The following EEA1 variants were observed in gnomAD, a reference collection of about 807,000 sequenced individuals.
The protein encoded by EEA1 is early endosome antigen 1.
In EEA1, 111 loss-of-function variants were observed where a neutral mutation model predicts 209.2. The ratio of observed to expected loss-of-function variants is 0.53; its 90% CI spans 0.45 to 0.62. The LOEUF (loss-of-function observed/expected upper bound fraction) is 0.62. EEA1 is among the 20% of genes least tolerant of loss of function. The pLI is 0.00. For synonymous variants in EEA1, 536 were observed against 540.6 expected (o/e 0.99, Z 0.12); for missense variants, 1,343 against 1,530.8 (o/e 0.88, Z 2.05).
intron 5 of EEA1, among the ~76,000 whole-genome samples, chr12:92,855,419 G>C (rs943366931): frequency 8.4e-6 from 1 of 119,446 alleles, no homozygotes; most frequent in Non-Finnish European, 1.9e-5. Flanking sequence ...GTGACAGAGC[G>C]AGACTCTGTC....
At chr12:92,790,468 G>A (rs1362323001) in intron 21 of EEA1, among the ~76,000 whole-genome samples, 8 of 152,134 alleles carry the variant, frequency 5.3e-5, no homozygotes, top group Admixed American at 3.9e-4. Flanking sequence ...ACCATGGCAC[G>A]AGAACTTCAT....
rs752002434 is a variant in EEA1 at position 92,852,159 on chromosome 12, A to G, written c.642+16T>C. ...AAGGTATAAGAGTACATCTCAATAA[A>G]TAATTCCTAAATTACCAGTTCCGTC... On this transcript the variant is annotated intron_variant, in intron 8 of 28. Coordinates refer to ENST00000322349, the MANE Select transcript of EEA1 (RefSeq NM_003566.4). 1.3e-6 allele frequency: 2 copies of G among 1,565,786 alleles called. No individual in the cohort carries two copies. The highest frequency in any genetic ancestry group is 1.7e-6 in the Non-Finnish European group (2 of 1,160,822).
chr12:92,817,708 T>G (rs1029641790), intron 14 of EEA1, among the ~76,000 whole-genome samples: 3 of 152,208 alleles, frequency 2.0e-5, no homozygotes, highest in African/African-American at 7.2e-5. Context: ...TGTAGTAATC[T>G]TTTACTATTT....
At chr12:92,808,853 C>G (rs1269273795) in intron 18 of EEA1, among the ~76,000 whole-genome samples, 164 bp downstream of exon 18, 1 of 152,090 alleles carries the variant, frequency 6.6e-6, no homozygotes, top group Non-Finnish European at 1.5e-5. Flanking sequence ...ATTATGATGG[C>G]TTTATTTTTT....
intron 1 of EEA1, among the ~76,000 whole-genome samples, chr12:92,896,873 C>G (rs1352398464): frequency 6.6e-6 from 1 of 152,170 alleles, no homozygotes; most frequent in African/African-American, 2.4e-5. Context: ...AAACCTTCCA[C>G]AAGCAAAAAG....
intron 2 of EEA1, among the ~76,000 whole-genome samples, chr12:92,888,328 G>C (rs1487013417): frequency 6.6e-6 from 1 of 152,038 alleles, no homozygotes; most frequent in Non-Finnish European, 1.5e-5. Context: ...CGCCTGTAAT[G>C]CCAGCACTTT....
chr12:92,849,147 A>G (rs893444262), intron 9 of EEA1, among the ~76,000 whole-genome samples: 17 of 152,208 alleles, frequency 1.1e-4, no homozygotes, highest in African/African-American at 4.1e-4. Context: ...ACTCAACTTT[A>G]AAATACATAT....
chr12:92,926,939 G>A (rs1199289542), intron 1 of EEA1, among the ~76,000 whole-genome samples: 1 of 152,050 alleles, frequency 6.6e-6, no homozygotes, highest in Non-Finnish European at 1.5e-5. Flanking sequence ...CTCCCAAACA[G>A]CCTGTGAGTT....
At chr12:92,811,234 A>T in intron 17 of EEA1, 45 bp downstream of exon 17, 1 of 1,278,756 alleles carries the variant, frequency 7.8e-7, no homozygotes, top group Non-Finnish European at 1.0e-6. Flanking sequence ...TTCCATTGCT[A>T]CTGAAGTAGA....
intron 1 of EEA1, among the ~76,000 whole-genome samples, chr12:92,917,399 G>A (rs1459708586): frequency 1.3e-5 from 2 of 148,972 alleles, no homozygotes; most frequent in African/African-American, 2.5e-5. Context: ...GGATCTCTCG[G>A]CAGAAACCCT....
At chr12:92,835,400 CTTTTTTTTTTTTTTTTT>C (rs140302130) in intron 10 of EEA1, 49 of 154,378 alleles carry the variant, frequency 3.2e-4, no homozygotes, top group African/African-American at 3.0e-3. Flanking sequence ...AGTTTCACTC[CTTTTTTTTTTTTTTTTT>C]TTTTTTTTTT....
At position 92,776,932 on chromosome 12, in the gene EEA1, G is replaced by T. The variant is rs773647272; in HGVS notation, c.4025C>A (p.Thr1342Lys). The change falls in exon 28 of 29, where the codon ACA becomes AAA. Residue 1342 changes from threonine (T) to lysine (K), a missense_variant. By Grantham distance (78) the Thr-to-Lys change is moderately conservative. Transcript: ENST00000322349. ...RENQSLQIKH[T>K]QALNRKWAED... ...GGCCCACTTTCTATTCAACGCTTGT[G>T]TATGTTTGATCTGTTTTTTAAAGAA... is the stretch of plus-strand genomic sequence containing the variant. 1 of 1,611,394 alleles carries T rather than the reference G, an allele frequency of 6.2e-7. No individual in the cohort carries two copies. The highest frequency in any genetic ancestry group is 1.1e-5 in the South Asian group (1 of 91,006).
chr12:92,909,194 T>C (rs1231310928), intron 1 of EEA1, among the ~76,000 whole-genome samples: 4 of 152,238 alleles, frequency 2.6e-5, no homozygotes, highest in Admixed American at 2.0e-4. Context: ...GTGCTTATAC[T>C]ATGGTCTCTA....
intron 1 of EEA1, among the ~76,000 whole-genome samples, chr12:92,911,248 G>A (rs555552933): frequency 6.6e-5 from 10 of 152,244 alleles, no homozygotes; most frequent in East Asian, 3.9e-4. Flanking sequence ...GTCCCCCAGC[G>A]GGTGAATCAA....
At chr12:92,788,231 G>A (rs1874226523) in intron 21 of EEA1, among the ~76,000 whole-genome samples, 182 bp from the exon 22 acceptor site, 1 of 150,818 alleles carries the variant, frequency 6.6e-6, no homozygotes, top group East Asian at 1.9e-4. Flanking sequence ...AATCTAACAA[G>A]TCTCAATTTA....
At chr12:92,784,269 T>C (rs981523618) in intron 22 of EEA1, among the ~76,000 whole-genome samples, 13 of 152,142 alleles carry the variant, frequency 8.5e-5, no homozygotes, top group African/African-American at 3.1e-4. Flanking sequence ...GAGTATACGC[T>C]ATGTGCCAAA....
At chr12:92,794,652 G>A (rs111926558) in intron 21 of EEA1, among the ~76,000 whole-genome samples, 2,811 of 150,774 alleles carry the variant, frequency 0.019, 95 homozygotes, top group African/African-American at 0.064. Flanking sequence ...CACACCGCAT[G>A]TTCCCACTCA....
At chr12:92,860,729 C>T (rs890412196) in intron 3 of EEA1, among the ~76,000 whole-genome samples, 1 of 152,098 alleles carries the variant, frequency 6.6e-6, no homozygotes, top group Non-Finnish European at 1.5e-5. Context: ...TGGTGTGATA[C>T]AGAGAAGCCA....
At chr12:92,915,691 T>A (rs1880740263) in intron 1 of EEA1, among the ~76,000 whole-genome samples, 1 of 152,190 alleles carries the variant, frequency 6.6e-6, no homozygotes, top group South Asian at 2.1e-4. Context: ...CTTGTTCATC[T>A]CTCTGATAAC....
Sources: allele counts gnomAD v4.1 joint callset (sites outside exome capture counted in the v4.1 genomes callset), GRCh38; gene constraint gnomAD v4.1.1; transcripts MANE v1.5; gene names NCBI Gene and HGNC (gene_info 2026-07-23, HGNC 2026-07-21).